XRCC4: variants seen among roughly 807,000 people sequenced by gnomAD.
XRCC4 encodes the protein DNA repair protein XRCC4.
A neutral mutation model predicts 39.1 loss-of-function variants in XRCC4; 28 were observed. The ratio of observed to expected loss-of-function variants is 0.72; its 90% CI spans 0.53 to 0.98. XRCC4 has a LOEUF of 0.98. XRCC4 is among the 50% of genes least tolerant of loss of function. XRCC4 has a pLI of 0.00. For synonymous variants in XRCC4, 123 were observed against 126.4 expected, an observed-to-expected ratio of 0.97 and a Z score of 0.18; for missense variants, 350 against 376.4, an observed-to-expected ratio of 0.93 and a Z score of 0.58.
At chr5:83,116,613 T>G (rs1308173931) in intron 3 of XRCC4, among the ~76,000 whole-genome samples, 2 of 55,876 alleles carry the variant, frequency 3.6e-5, no homozygotes, top group Non-Finnish European at 7.6e-5. Context: ...TCTCTCTTTT[T>G]TTTTTTTTTT....
chr5:83,183,353 C>T (rs1311466111), intron 3 of XRCC4, among the ~76,000 whole-genome samples: 3 of 151,336 alleles, frequency 2.0e-5, no homozygotes, highest in South Asian at 4.2e-4. Context: ...TCTACGGTGT[C>T]AATTTTAAGC....
rs561991042 is a variant in XRCC4, at chr5:83,165,191, T to TA, written c.316-30570dup. ...GGTCATAATGAAATAATTCCCCCTT[T>TA]AAAAAAAAATCTAAACACACATAAC... On this transcript the variant is annotated intron_variant, in intron 3 of 7. Transcript: ENST00000396027. 3.2e-3 allele frequency among the ~76,000 whole-genome samples: 481 copies of TA among 151,316 alleles called. 2 individuals carry two copies. The highest frequency in any genetic ancestry group is 0.011 in the African/African-American group (457 of 41,356).
intron 6 of XRCC4, among the ~76,000 whole-genome samples, chr5:83,220,976 T>C (rs1752061756): frequency 6.6e-6 from 1 of 152,158 alleles, no homozygotes; most frequent in Non-Finnish European, 1.5e-5. Context: ...AGGGCATTGG[T>C]TTCCTGATTT....
chr5:83,342,005 T>G (rs1250672493), intron 7 of XRCC4, among the ~76,000 whole-genome samples: 2 of 152,342 alleles, frequency 1.3e-5, no homozygotes, highest in African/African-American at 4.8e-5. Flanking sequence ...TCACCTGGCC[T>G]GTCTTAAAGG....
chr5:83,099,079 A>G (rs1186299782), intron 1 of XRCC4, among the ~76,000 whole-genome samples: 1 of 152,236 alleles, frequency 6.6e-6, no homozygotes, highest in African/African-American at 2.4e-5. Context: ...AAGGTCAAAC[A>G]AAATAATGTA....
chr5:83,290,998 C>A (rs1181082567), intron 7 of XRCC4, among the ~76,000 whole-genome samples: 1 of 151,834 alleles, frequency 6.6e-6, no homozygotes, highest in African/African-American at 2.4e-5. Context: ...TTAAAATCAA[C>A]AGATGAATGT....
intron 7 of XRCC4, 66 bp from the exon 8 acceptor site, chr5:83,353,064 AT>A: frequency 7.7e-7 from 1 of 1,295,560 alleles, no homozygotes. Context: ...GTGTCTCTTC[AT>A]TTTCTTTTAC....
chr5:83,149,155 G>A (rs1748594097), intron 3 of XRCC4, among the ~76,000 whole-genome samples: 1 of 152,108 alleles, frequency 6.6e-6, no homozygotes, highest in South Asian at 2.1e-4. Flanking sequence ...GGTATCTGTA[G>A]CCACGCATAG....
chr5:83,078,311 C>T (rs954438748), intron 1 of XRCC4, among the ~76,000 whole-genome samples: 1 of 152,146 alleles, frequency 6.6e-6, no homozygotes, highest in African/African-American at 2.4e-5. Flanking sequence ...TTTGAATTTG[C>T]GTAGTTCTTG....
At chr5:83,161,134 G>A (rs969753312) in intron 3 of XRCC4, among the ~76,000 whole-genome samples, 7 of 149,206 alleles carry the variant, frequency 4.7e-5, no homozygotes, top group Admixed American at 2.0e-4. Flanking sequence ...TTTTGAGATG[G>A]AGTTTTGCTC....
intron 6 of XRCC4, among the ~76,000 whole-genome samples, chr5:83,254,399 C>T (rs1753448457): frequency 6.6e-6 from 1 of 152,156 alleles, no homozygotes; most frequent in Non-Finnish European, 1.5e-5. Flanking sequence ...CTCCTCATTA[C>T]CCTTTGAACA....
At chr5:83,079,308 G>A (rs1180191950) in intron 1 of XRCC4, among the ~76,000 whole-genome samples, 1 of 152,166 alleles carries the variant, frequency 6.6e-6, no homozygotes, top group Non-Finnish European at 1.5e-5. Flanking sequence ...TTGCATTTAT[G>A]TAAAACATCA....
chr5:83,311,258 C>G (rs1261960974), intron 7 of XRCC4, among the ~76,000 whole-genome samples: 1 of 151,570 alleles, frequency 6.6e-6, no homozygotes, highest in African/African-American at 2.4e-5. Context: ...TACAAGCACA[C>G]AGTTAGGTAG....
intron 3 of XRCC4, among the ~76,000 whole-genome samples, chr5:83,133,515 C>G (rs1747714224): frequency 6.6e-6 from 1 of 152,202 alleles, no homozygotes; most frequent in Admixed American, 6.5e-5. Context: ...GGCAGGCCTC[C>G]TTGAGCTGCG....
At chr5:83,259,483 C>T (rs1265474433) in intron 7 of XRCC4, 3 of 151,938 alleles carry the variant, frequency 2.0e-5, no homozygotes, top group Non-Finnish European at 2.9e-5. Context: ...AAGGTCGTCC[C>T]TTCTTAAATT....
At chr5:83,181,068 C>A (rs1247724561) in intron 3 of XRCC4, among the ~76,000 whole-genome samples, 1 of 89,366 alleles carries the variant, frequency 1.1e-5, no homozygotes, top group African/African-American at 4.3e-5. Flanking sequence ...TTTTTTTTTG[C>A]GAATTCTATT....
chr5:83,115,349 C>G (rs921520630), intron 3 of XRCC4, among the ~76,000 whole-genome samples: 18 of 152,276 alleles, frequency 1.2e-4, no homozygotes, highest in African/African-American at 3.9e-4. Flanking sequence ...ATGGCTTGAA[C>G]CCGGAAGGCA....
chr5:83,212,221 G>T (rs1230253277), intron 6 of XRCC4, among the ~76,000 whole-genome samples: 2 of 151,998 alleles, frequency 1.3e-5, no homozygotes, highest in Non-Finnish European at 2.9e-5. Context: ...CGATATAAAT[G>T]TATCAACAAG....
At chr5:83,245,234 T>TA (rs201263177) in intron 6 of XRCC4, among the ~76,000 whole-genome samples, 6,802 of 145,934 alleles carry the variant, frequency 0.047, 450 homozygotes, top group African/African-American at 0.15. Context: ...GTGTTTTGGT[T>TA]AAAAAAAAAA....
Sources: allele counts gnomAD v4.1 joint callset (sites outside exome capture counted in the v4.1 genomes callset), GRCh38; gene constraint gnomAD v4.1.1; transcripts MANE v1.5; gene names NCBI Gene and HGNC (gene_info 2026-07-23, HGNC 2026-07-21).